Variants in PCMTD1 observed in about 807,000 individuals in gnomAD.
The protein encoded by PCMTD1 is protein-L-isoaspartate O-methyltransferase domain-containing protein 1.
In PCMTD1, 12 loss-of-function variants were observed where a neutral mutation model predicts 37.6. The observed-to-expected ratio is 0.32, with a 90% confidence interval of 0.20 to 0.52. The LOEUF is 0.52. Among genes scored for constraint, PCMTD1 ranks in the 20% least tolerant of loss-of-function variants. PCMTD1 has a pLI of 0.97. For synonymous variants in PCMTD1, 117 were observed against 135.8 expected, an observed-to-expected ratio of 0.86 and a Z score of 0.96; for missense variants, 235 against 421.3, an observed-to-expected ratio of 0.56 and a Z score of 3.87.
At chr8:51,852,631 A>G (rs2038324571) in intron 2 of PCMTD1, among the ~76,000 whole-genome samples, 1 of 152,188 alleles carries the variant, frequency 6.6e-6, no homozygotes, top group African/African-American at 2.4e-5. Context: ...AGTTATCGTC[A>G]AAGTGGGGAG....
At chr8:51,832,642 G>C (rs1446955968) in intron 4 of PCMTD1, among the ~76,000 whole-genome samples, 1 of 152,074 alleles carries the variant, frequency 6.6e-6, no homozygotes, top group East Asian at 1.9e-4. Context: ...ATTTGCTTTT[G>C]AAAGGTATAC....
chr8:51,831,870 C>T (rs2038003154), intron 4 of PCMTD1, among the ~76,000 whole-genome samples: 1 of 152,176 alleles, frequency 6.6e-6, no homozygotes, highest in South Asian at 2.1e-4. Flanking sequence ...CTATACATGC[C>T]ATTGCCTTTC....
chr8:51,879,370 G>A (rs2038759930), intron 1 of PCMTD1, among the ~76,000 whole-genome samples: 1 of 152,008 alleles, frequency 6.6e-6, no homozygotes, highest in Admixed American at 6.5e-5. Flanking sequence ...CCAAATCATA[G>A]GAACAAACTA....
intron 2 of PCMTD1, among the ~76,000 whole-genome samples, chr8:51,852,395 T>C (rs1247443490): frequency 2.0e-5 from 3 of 152,240 alleles, no homozygotes; most frequent in African/African-American, 7.2e-5. Flanking sequence ...GTTAAATCTA[T>C]ATTATCTGAT....
At chr8:51,898,406 C>T (rs926610353) in intron 1 of PCMTD1, among the ~76,000 whole-genome samples, 4 of 152,138 alleles carry the variant, frequency 2.6e-5, no homozygotes, top group African/African-American at 9.7e-5. Flanking sequence ...CCTGCTATAA[C>T]CTCTCAGTCC....
At chr8:51,852,587 T>A (rs2038324134) in intron 2 of PCMTD1, among the ~76,000 whole-genome samples, 1 of 152,164 alleles carries the variant, frequency 6.6e-6, no homozygotes, top group Non-Finnish European at 1.5e-5. Flanking sequence ...CGGTATGTAT[T>A]TGCAAAAATC....
chr8:51,857,614 G>A (rs1366321714), intron 2 of PCMTD1, among the ~76,000 whole-genome samples: 1 of 152,134 alleles, frequency 6.6e-6, no homozygotes, highest in Non-Finnish European at 1.5e-5. Context: ...CGACAGTACT[G>A]AGAGGAGAAT....
At chr8:51,860,225 G>A (rs1302027367) in intron 2 of PCMTD1, among the ~76,000 whole-genome samples, 2 of 152,186 alleles carry the variant, frequency 1.3e-5, no homozygotes, top group African/African-American at 4.8e-5. Flanking sequence ...AACACTGAAT[G>A]AGTTAATACA....
At chr8:51,899,156 A>G, upstream of PCMTD1, 1 of 1,338,112 alleles carries the variant, frequency 7.5e-7, no homozygotes, top group Non-Finnish European at 9.6e-7. Flanking sequence ...GCGGACGCCA[A>G]AGTCAACAAG....
At chr8:51,894,505 G>A (rs1242796098) in intron 1 of PCMTD1, among the ~76,000 whole-genome samples, 1 of 152,148 alleles carries the variant, frequency 6.6e-6, no homozygotes, top group Non-Finnish European at 1.5e-5. Context: ...TCAAGATCAT[G>A]AAGTTCCAAT....
chr8:51,899,090 G>T (rs2039059124), upstream of PCMTD1: 1 of 1,478,272 alleles, frequency 6.8e-7, no homozygotes, highest in Middle Eastern at 2.3e-4. Flanking sequence ...CCCGGACTCC[G>T]GAGCCGCCGG....
chr8:51,831,585 A>C lies in PCMTD1; in HGVS notation c.583-18T>G, dbSNP rs777371315. ...TGTGTTAACTATTTAGAGAAAAAAAAGAAAGAAAGTGAACAACTTAATCCC... is the reference window on the plus strand; with the variant it reads ...TGTGTTAACTATTTAGAGAAAAAAACGAAAGAAAGTGAACAACTTAATCCC... On this transcript the variant is annotated intron_variant, in intron 4 of 5. Coordinates refer to ENST00000522514, the MANE Select transcript of PCMTD1 (RefSeq NM_052937.4). The C allele has an allele frequency of 2.5e-6, 4 of 1,600,834 alleles. No individual in the cohort carries two copies. Among genetic ancestry groups the C allele is most frequent in the Non-Finnish European group, 3.4e-6 (4 of 1,174,124 alleles).
chr8:51,864,070 A>G (rs1034348437), intron 1 of PCMTD1, among the ~76,000 whole-genome samples: 9 of 152,208 alleles, frequency 5.9e-5, no homozygotes, highest in Non-Finnish European at 8.8e-5. Context: ...GACTGAGAAT[A>G]AAGTGATGAA....
intron 5 of PCMTD1, among the ~76,000 whole-genome samples, chr8:51,822,200 G>A (rs1585779205): frequency 1.3e-5 from 2 of 152,278 alleles, no homozygotes; most frequent in South Asian, 2.1e-4. Context: ...TAGTGCAGAT[G>A]AAGTTGGGAG....
At chr8:51,863,155 T>A (rs142641288) in intron 1 of PCMTD1, among the ~76,000 whole-genome samples, 1 of 152,274 alleles carries the variant, frequency 6.6e-6, no homozygotes, top group Middle Eastern at 3.4e-3. Context: ...TCTGTCAGTA[T>A]CCAGTGTGGC....
intron 5 of PCMTD1, among the ~76,000 whole-genome samples, chr8:51,828,957 A>G (rs1408304460): frequency 1.3e-5 from 2 of 151,994 alleles, no homozygotes; most frequent in Admixed American, 6.6e-5. Context: ...TATCATTCTT[A>G]TTTTACCTTT....
chr8:51,852,314 A>C (rs2129283542), intron 2 of PCMTD1, among the ~76,000 whole-genome samples: 1 of 152,328 alleles, frequency 6.6e-6, no homozygotes. Flanking sequence ...GACTGAAACA[A>C]ATGATATCCA....
At chr8:51,897,605 A>G (rs1169535762) in intron 1 of PCMTD1, among the ~76,000 whole-genome samples, 3 of 152,252 alleles carry the variant, frequency 2.0e-5, no homozygotes, top group Admixed American at 6.5e-5. Context: ...CCATTAAGCA[A>G]TACGTAAACA....
At position 51,846,574 on chromosome 8, in the gene PCMTD1, C is replaced by G. The variant is rs2038223327; in HGVS notation, c.308-811G>C. ...TTTCAACTTCTGAAATTCAGCCAACCAGGTTTTCCACTCAACATTTTTGTT... is the reference window on the plus strand; with the variant it reads ...TTTCAACTTCTGAAATTCAGCCAACGAGGTTTTCCACTCAACATTTTTGTT... On this transcript the variant is annotated intron_variant, in intron 2 of 5. Coordinates refer to ENST00000522514, the MANE Select transcript of PCMTD1 (RefSeq NM_052937.4). 3.3e-5 allele frequency among the ~76,000 whole-genome samples: 5 copies of G among 152,178 alleles called. 1 individual carries two copies. The highest frequency in any genetic ancestry group is 1.3e-4 in the Admixed American group (2 of 15,274).
Sources: allele counts gnomAD v4.1 joint callset (sites outside exome capture counted in the v4.1 genomes callset), GRCh38; gene constraint gnomAD v4.1.1; transcripts MANE v1.5; gene names NCBI Gene and HGNC (gene_info 2026-07-23, HGNC 2026-07-21).